MACROH2A2: variants seen among roughly 807,000 people sequenced by gnomAD.
The protein encoded by MACROH2A2 is macroH2A.2 histone.
A neutral mutation model predicts 37.6 loss-of-function variants in MACROH2A2; 6 were observed. The ratio of observed to expected loss-of-function variants is 0.16; its 90% CI spans 0.09 to 0.32. MACROH2A2 has a LOEUF of 0.32. Ranked by LOEUF, MACROH2A2 falls within the 10% of genes least tolerant of loss-of-function variation. MACROH2A2 has a pLI of 1.00. For missense variants in MACROH2A2, 290 were observed against 485.9 expected, an observed-to-expected ratio of 0.60 and a Z score of 3.79; for synonymous variants, 192 against 202.7, an observed-to-expected ratio of 0.95 and a Z score of 0.45.
At chr10:70,055,721 A>G (rs948875131) in intron 1 of MACROH2A2, among the ~76,000 whole-genome samples, 6 of 152,248 alleles carry the variant, frequency 3.9e-5, no homozygotes, top group African/African-American at 1.4e-4. Context: ...ACCAATTGGA[A>G]GAGCAGTTTG....
At chr10:70,079,551 T>TCGCGCG (rs778240404) in intron 2 of MACROH2A2, among the ~76,000 whole-genome samples, 55 of 114,166 alleles carry the variant, frequency 4.8e-4, no homozygotes, top group Admixed American at 1.2e-3. Flanking sequence ...CGTTGAGGGT[T>TCGCGCG]CGCGCGCGCG....
At chr10:70,086,911 C>T (rs1050597567) in intron 2 of MACROH2A2, among the ~76,000 whole-genome samples, 14 of 152,154 alleles carry the variant, frequency 9.2e-5, no homozygotes, top group South Asian at 2.1e-4. Flanking sequence ...GCAAGCCTGC[C>T]GGGAACAGCG....
Position 70,096,678 on chromosome 10 carries a change from G to A in MACROH2A2, c.688+925G>A, listed in dbSNP as rs371328049. ...ACTGCCTTAAACTCTCCACGGAAAG[G>A]GTAAAGTGAGCAAAGAAGGGGCTTT... is the stretch of plus-strand genomic sequence containing the variant. On this transcript the variant is annotated intron_variant, in intron 6 of 8. Coordinates refer to ENST00000373255, the MANE Select transcript of MACROH2A2 (RefSeq NM_018649.3). Among the ~76,000 whole-genome samples, 49 of 152,254 alleles carry A rather than the reference G, an allele frequency of 3.2e-4. No homozygotes were observed. In the South Asian group the frequency reaches 9.9e-3, roughly 31 times the overall value.
At chr10:70,066,109 C>CG (rs1360502301) in intron 1 of MACROH2A2, among the ~76,000 whole-genome samples, 3 of 152,078 alleles carry the variant, frequency 2.0e-5, no homozygotes, top group South Asian at 2.1e-4. Context: ...AGTTCACAGG[C>CG]GGGGGGATCA....
intron 2 of MACROH2A2, among the ~76,000 whole-genome samples, chr10:70,080,204 AGGAGGCGGAGGTTGTGGTGAGCCGAGATC>A (rs1370603467): frequency 1.3e-5 from 2 of 151,670 alleles, no homozygotes; most frequent in Non-Finnish European, 2.9e-5. Flanking sequence ...ACTTGAACCC[AGGAGGCGGAGGTTGTGGTGAGCCGAGATC>A]GCGTCATTGC....
chr10:70,056,913 G>C (rs1420909319), intron 1 of MACROH2A2, among the ~76,000 whole-genome samples: 1 of 152,160 alleles, frequency 6.6e-6, no homozygotes, highest in Non-Finnish European at 1.5e-5. Context: ...CAGTAGAGAA[G>C]TATATGAGTT....
chr10:70,069,278 G>A (rs924051722), intron 1 of MACROH2A2, among the ~76,000 whole-genome samples: 1 of 152,162 alleles, frequency 6.6e-6, no homozygotes. Flanking sequence ...GCTTCCCGTT[G>A]CTGTGCTCCT....
intron 1 of MACROH2A2, among the ~76,000 whole-genome samples, chr10:70,054,675 CTT>C (rs1371991634): frequency 6.6e-6 from 1 of 152,184 alleles, no homozygotes; most frequent in Non-Finnish European, 1.5e-5. Context: ...TTTTAACACA[CTT>C]TTTATTTTCA....
Position 70,064,206 on chromosome 10 carries a change from T to C in MACROH2A2, c.-60+11206T>C, listed in dbSNP as rs548927544. On this transcript the variant is annotated intron_variant, in intron 1 of 8. Coordinates refer to ENST00000373255, the MANE Select transcript of MACROH2A2 (RefSeq NM_018649.3). ...TAACATGGTGAAACCCTGTCTCTAC[T>C]AAAAATACAAAAATTAGCCAGGTGT... 2.2e-3 allele frequency among the ~76,000 whole-genome samples: 332 copies of C among 152,168 alleles called. 2 individuals carry two copies. The highest frequency in any genetic ancestry group is 7.4e-3 in the African/African-American group (305 of 41,494).
At chr10:70,086,524 C>G (rs2072212707) in intron 2 of MACROH2A2, among the ~76,000 whole-genome samples, 1 of 152,210 alleles carries the variant, frequency 6.6e-6, no homozygotes, top group Non-Finnish European at 1.5e-5. Flanking sequence ...GTGCATCTGT[C>G]TGTCAAGCTG....
chr10:70,084,689 C>A (rs1210814162), intron 2 of MACROH2A2, among the ~76,000 whole-genome samples: 1 of 152,028 alleles, frequency 6.6e-6, no homozygotes, highest in African/African-American at 2.4e-5. Flanking sequence ...ACAGCCTAGA[C>A]CTCCTGAGCT....
rs1221478914 is a variant in MACROH2A2, at chr10:70,053,381, G to A, written c.-60+381G>A. Among the ~76,000 whole-genome samples, 3 of 151,854 alleles carry A rather than the reference G, an allele frequency of 2.0e-5. No homozygotes were observed. Among genetic ancestry groups the A allele is most frequent in the African/African-American group, 7.2e-5 (3 of 41,420 alleles). On this transcript the variant is annotated intron_variant, in intron 1 of 8. Coordinates refer to ENST00000373255, the MANE Select transcript of MACROH2A2 (RefSeq NM_018649.3). The surrounding 1 kb of genome is among the most constrained non-coding windows in gnomAD (Gnocchi z 4.8). ...AATGCGGAGTTTCGGGCGCAGGAGC[G>A]GGAGGACGGAGGCGCCCGGCCGCCG...
Position 70,053,109 on chromosome 10 carries a change from C to T in MACROH2A2, c.-60+109C>T, listed in dbSNP as rs2136610663. On this transcript the variant is annotated intron_variant, in intron 1 of 8. Transcript: ENST00000373255. The surrounding 1 kb of genome is among the most constrained non-coding windows in gnomAD (Gnocchi z 4.8). ...CCGGAGAGAACCACCTCTGCCTCTC[C>T]CCCGAGCCCCTGCGGGCGCACCCTC... The T allele has an allele frequency of 6.6e-6, 1 of 152,416 alleles. No homozygotes were observed. Among genetic ancestry groups the T allele is most frequent in the South Asian group, 2.1e-4 (1 of 4,832 alleles). 9.4% of individuals were successfully genotyped at this position (152,416 alleles called of 1,614,324 possible).
chr10:70,086,927 C>T lies in MACROH2A2; in HGVS notation c.173-3133C>T, dbSNP rs114617194. The stretch of plus-strand genomic sequence containing the variant: ...CAAGCCTGCCGGGAACAGCGGCTCA[C>T]GCCTGGAAATCCCAACACTTTGGGA... On this transcript the variant is annotated intron_variant, in intron 2 of 8. Transcript: ENST00000373255. Among the ~76,000 whole-genome samples, 400 of 152,274 alleles carry T rather than the reference C, an allele frequency of 2.6e-3. 3 individuals are homozygous for T. Among genetic ancestry groups the T allele is most frequent in the African/African-American group, 9.2e-3 (381 of 41,558 alleles).
At chr10:70,057,498 C>T (rs2072025008) in intron 1 of MACROH2A2, among the ~76,000 whole-genome samples, 1 of 152,148 alleles carries the variant, frequency 6.6e-6, no homozygotes, top group Non-Finnish European at 1.5e-5. Flanking sequence ...CAGGATTAGA[C>T]CGAGGGGATC....
At chr10:70,066,783 G>T (rs375520198) in intron 1 of MACROH2A2, among the ~76,000 whole-genome samples, 1 of 152,160 alleles carries the variant, frequency 6.6e-6, no homozygotes, top group South Asian at 2.1e-4. Flanking sequence ...AGACATGCAC[G>T]TACACGGAGC....
At chr10:70,091,132 C>T (rs1382227586) in intron 3 of MACROH2A2, among the ~76,000 whole-genome samples, 3 of 152,194 alleles carry the variant, frequency 2.0e-5, no homozygotes, top group African/African-American at 7.2e-5. Context: ...TCTCAAGCTG[C>T]GCTCCCCACA....
At chr10:70,060,265 G>T (rs1430592722) in intron 1 of MACROH2A2, among the ~76,000 whole-genome samples, 1 of 152,058 alleles carries the variant, frequency 6.6e-6, no homozygotes, top group African/African-American at 2.4e-5. Context: ...AGCTATTTGG[G>T]AGGCTGAGGC....
At chr10:70,070,112 G>T (rs1415682493) in intron 1 of MACROH2A2, among the ~76,000 whole-genome samples, 2 of 152,154 alleles carry the variant, frequency 1.3e-5, no homozygotes, top group Non-Finnish European at 2.9e-5. Flanking sequence ...CGTGTCCAGG[G>T]ACCTCACAGC....
Sources: allele counts gnomAD v4.1 joint callset (sites outside exome capture counted in the v4.1 genomes callset), GRCh38; gene constraint gnomAD v4.1.1; non-coding constraint Gnocchi (gnomAD v3.1); transcripts MANE v1.5; gene names NCBI Gene and HGNC (gene_info 2026-07-23, HGNC 2026-07-21).